Variants in CDC27 observed in about 807,000 individuals in gnomAD.
The protein encoded by CDC27 is cell division cycle protein 27 homolog.
In CDC27, 27 loss-of-function variants were observed where a neutral mutation model predicts 109.7. That is an observed-to-expected ratio of 0.25 (90% confidence interval 0.18 to 0.34). CDC27 has a LOEUF of 0.34. Among genes scored for constraint, CDC27 ranks in the 10% least tolerant of loss-of-function variants. The pLI is 1.00. For missense variants in CDC27, 579 were observed against 960.2 expected, an observed-to-expected ratio of 0.60 and a Z score of 5.25; for synonymous variants, 266 against 333.9, an observed-to-expected ratio of 0.80 and a Z score of 2.22.
chr17:47,187,542 T>C (rs1378904420), intron 1 of CDC27, among the ~76,000 whole-genome samples: 1 of 152,078 alleles, frequency 6.6e-6, no homozygotes, highest in Non-Finnish European at 1.5e-5. Flanking sequence ...CCTCAGGTGA[T>C]CCACCCGCCT....
At chr17:47,123,626 G>A (rs1174373213) in intron 17 of CDC27, among the ~76,000 whole-genome samples, 4 of 151,630 alleles carry the variant, frequency 2.6e-5, no homozygotes, top group African/African-American at 7.3e-5. Context: ...TGGTCAGGCT[G>A]GTCTTAAACT....
chr17:47,121,260 G>A (rs888022341), intron 18 of CDC27, among the ~76,000 whole-genome samples: 1 of 151,626 alleles, frequency 6.6e-6, no homozygotes. Flanking sequence ...TCTTCCTAAT[G>A]AGTTCCTTAT....
chr17:47,172,363 T>A (rs1250336719), intron 2 of CDC27, among the ~76,000 whole-genome samples: 3 of 152,182 alleles, frequency 2.0e-5, no homozygotes, highest in Non-Finnish European at 4.4e-5. Context: ...ACCCCTGCCT[T>A]TAAACAGACT....
chr17:47,125,688 C>T (rs1204544951), intron 16 of CDC27, among the ~76,000 whole-genome samples: 2 of 151,746 alleles, frequency 1.3e-5, no homozygotes, highest in Non-Finnish European at 1.5e-5. Context: ...TGATTACAGG[C>T]GCCCGCCACC....
At chr17:47,125,321 G>A (rs1568361523) in intron 16 of CDC27, among the ~76,000 whole-genome samples, 4 of 122,794 alleles carry the variant, frequency 3.3e-5, no homozygotes, top group Admixed American at 1.2e-4. Flanking sequence ...ATCTTGGCTC[G>A]CTACAACCTC....
chr17:47,181,671 T>TA, intron 1 of CDC27, 34 bp from the exon 2 acceptor site: 3 of 1,238,522 alleles, frequency 2.4e-6, no homozygotes, highest in Non-Finnish European at 3.5e-6. Flanking sequence ...TAAATATACA[T>TA]ACATACAGAC....
intron 1 of CDC27, chr17:47,188,809 C>T: frequency 8.2e-7 from 1 of 1,219,306 alleles, no homozygotes. Context: ...GGCAAGAGAG[C>T]GCTTGGGGTG....
chr17:47,182,907 T>C (rs1050376620), intron 1 of CDC27, among the ~76,000 whole-genome samples: 1 of 152,080 alleles, frequency 6.6e-6, no homozygotes, highest in Non-Finnish European at 1.5e-5. Flanking sequence ...GAGCCTTTAG[T>C]CCCAGCGACT....
At chr17:47,143,026 T>C (rs2062846047) in intron 10 of CDC27, among the ~76,000 whole-genome samples, 1 of 152,020 alleles carries the variant, frequency 6.6e-6, no homozygotes, top group Non-Finnish European at 1.5e-5. Context: ...TGCTGGAGTG[T>C]AATGATGTAA....
intron 1 of CDC27, among the ~76,000 whole-genome samples, chr17:47,185,324 G>A (rs2064392771): frequency 1.3e-5 from 2 of 151,946 alleles, no homozygotes; most frequent in African/African-American, 4.8e-5. Flanking sequence ...GACTACAGGT[G>A]CCTGCCACCA....
chr17:47,168,587 A>G (rs985106555), intron 4 of CDC27, among the ~76,000 whole-genome samples: 1 of 152,174 alleles, frequency 6.6e-6, no homozygotes, highest in African/African-American at 2.4e-5. Context: ...CTATAATGGA[A>G]ATGAATCTCA....
Position 47,138,796 on chromosome 17 carries a change from A to G in CDC27, c.1647T>C (p.Asp549=), listed in dbSNP as rs111227623. The G allele has an allele frequency of 1.6e-5, 26 of 1,611,968 alleles. No individual in the cohort carries two copies. The highest frequency in any genetic ancestry group is 2.2e-5 in the Non-Finnish European group (26 of 1,179,086). Reference sequence around the variant, plus strand: ...CTTTTGACAGAACTGAAAGAGCAACATCTTTTTGAAGATGCCAAAGTGTTG... The same window carrying G: ...CTTTTGACAGAACTGAAAGAGCAACGTCTTTTTGAAGATGCCAAAGTGTTG... ...YSTTLWHLQK[D]VALSVLSKDL... is the part of the protein sequence containing the mutation. The change falls in exon 13 of 19, where the codon GAT becomes GAC. Residue 549 remains aspartate, a synonymous_variant. Coordinates refer to ENST00000066544, the MANE Select transcript of CDC27 (RefSeq NM_001256.6).
At chr17:47,175,071 AAGG>A (rs1269832890) in intron 2 of CDC27, among the ~76,000 whole-genome samples, 1 of 132,156 alleles carries the variant, frequency 7.6e-6, no homozygotes, top group Non-Finnish European at 1.7e-5. Context: ...GGAAGGAAGG[AAGG>A]AAGGAAGGAA....
intron 3 of CDC27, 126 bp downstream of exon 3, chr17:47,171,791 C>T (rs548328207): frequency 1.7e-5 from 11 of 634,694 alleles, no homozygotes; most frequent in Admixed American, 3.6e-5. Flanking sequence ...GTAAACATTT[C>T]GAATGTTACT....
chr17:47,154,247 T>A (rs1410043998), intron 8 of CDC27, among the ~76,000 whole-genome samples: 4 of 152,074 alleles, frequency 2.6e-5, no homozygotes, highest in Admixed American at 6.6e-5. Flanking sequence ...TTTTTTTTCA[T>A]ATAATTATTA....
intron 14 of CDC27, among the ~76,000 whole-genome samples, chr17:47,136,585 T>C (rs978673608): frequency 2.0e-4 from 31 of 152,288 alleles, no homozygotes; most frequent in African/African-American, 6.7e-4. Context: ...CATATCTTAT[T>C]CAGTTGATAA....
At chr17:47,174,771 C>A (rs1281965650) in intron 2 of CDC27, among the ~76,000 whole-genome samples, 3 of 152,154 alleles carry the variant, frequency 2.0e-5, no homozygotes, top group Admixed American at 6.6e-5. Flanking sequence ...GCCTGGCCAA[C>A]ATGGTGAAAC....
At chr17:47,136,407 G>A (rs1355835045) in intron 14 of CDC27, among the ~76,000 whole-genome samples, 1 of 152,120 alleles carries the variant, frequency 6.6e-6, no homozygotes, top group East Asian at 1.9e-4. Context: ...CAACTCAACT[G>A]CTATAATAAC....
intron 9 of CDC27, among the ~76,000 whole-genome samples, chr17:47,149,207 G>A (rs878993653): frequency 1.3e-5 from 2 of 150,830 alleles, no homozygotes; most frequent in African/African-American, 2.4e-5. Flanking sequence ...CAGCTGACTC[G>A]TACTATAAGA....
Sources: gnomAD v4.1 joint callset for allele counts (sites outside exome capture counted in the v4.1 genomes callset) on GRCh38, gnomAD v4.1.1 for gene constraint, MANE v1.5 for transcripts, NCBI Gene and HGNC (gene_info 2026-07-23, HGNC 2026-07-21) for gene names.